The following INTS12 variants were observed in gnomAD, a reference collection of about 807,000 sequenced individuals.
The protein encoded by INTS12 is integrator complex subunit 12.
In INTS12, 13 loss-of-function variants were observed where a neutral mutation model predicts 41.6. The ratio of observed to expected loss-of-function variants is 0.31; its 90% CI spans 0.20 to 0.50. The LOEUF is 0.50. Among genes scored for constraint, INTS12 ranks in the 20% least tolerant of loss-of-function variants. The pLI, the probability that INTS12 is intolerant of heterozygous loss-of-function variation, is 0.98. For missense variants in INTS12, 432 were observed against 541.6 expected, an observed-to-expected ratio of 0.80 and a Z score of 2.01; for synonymous variants, 199 against 191.4, an observed-to-expected ratio of 1.04 and a Z score of -0.33.
intron 3 of INTS12, 119 bp from the exon 4 acceptor site, chr4:105,695,787 T>C: frequency 2.6e-6 from 2 of 764,848 alleles, no homozygotes; most frequent in Non-Finnish European, 4.3e-6. Flanking sequence ...ACCAATGTAA[T>C]ATTCCTTTCT....
At chr4:105,697,481 T>C (rs1260355800) in intron 3 of INTS12, among the ~76,000 whole-genome samples, 1 of 152,198 alleles carries the variant, frequency 6.6e-6, no homozygotes, top group African/African-American at 2.4e-5. Context: ...GGGCTTGATA[T>C]ATTATTATGC....
chr4:105,694,467 A>G lies in INTS12; in HGVS notation c.310-981T>C, dbSNP rs190880705. Among the ~76,000 whole-genome samples the G allele has an allele frequency of 3.1e-3, 473 of 152,200 alleles. 7 individuals are homozygous for G. The highest frequency in any genetic ancestry group is 1.3e-3 in the Non-Finnish European group (87 of 68,004). On this transcript the variant is annotated intron_variant, in intron 4 of 7. Transcript: ENST00000340139. ...CAGCCTCCTGAGGTGCTGGAACTAC[A>G]GGTGTGCGCCACCACACCTGGCTAA...
Position 105,686,874 on chromosome 4 carries a change from CT to C in INTS12, c.658-37del, listed in dbSNP as rs1211056876. On this transcript the variant is annotated intron_variant, in intron 6 of 7. Coordinates refer to ENST00000340139, the MANE Select transcript of INTS12 (RefSeq NM_020395.4). ...CAGTGGATTAAATCAGATACAAAATCTTAACTGAATATACAGAAAGATAATA... is the reference window on the plus strand; with the variant it reads ...CAGTGGATTAAATCAGATACAAAATCTAACTGAATATACAGAAAGATAATA... The C allele has an allele frequency of 2.5e-6, 4 of 1,585,652 alleles. No homozygotes were observed. In the African/African-American group the frequency reaches 5.4e-5, roughly 21 times the overall value.
intron 1 of INTS12, chr4:105,705,964 A>G (rs1354435337): frequency 1.3e-5 from 2 of 152,194 alleles, no homozygotes; most frequent in Non-Finnish European, 2.9e-5. Flanking sequence ...AAAACAGCAA[A>G]TAACTGTAAA....
Position 105,699,921 on chromosome 4 carries a change from C to G in INTS12, c.85G>C (p.Glu29Gln), listed in dbSNP as rs1486399776. The change falls in exon 3 of 8, where the codon GAA (glutamate) becomes CAA (glutamine). Residue 29 changes from glutamate to glutamine, a missense_variant. This residue lies in a region of INTS12 where 168 missense variants were observed against 198.9 expected (regional missense o/e 0.84). Coordinates refer to ENST00000340139, the MANE Select transcript of INTS12 (RefSeq NM_020395.4). ...FLHSKSKDSAEKLKALLDESL... is the reference protein window; with the variant it reads ...FLHSKSKDSAQKLKALLDESL... ...TCATCAAGCAGTGCTTTTAGCTTTTCAGCAGAATCTTTACTCTTTGAATGC... is the reference window on the plus strand; with the variant it reads ...TCATCAAGCAGTGCTTTTAGCTTTTGAGCAGAATCTTTACTCTTTGAATGC... The G allele has an allele frequency of 1.3e-6, 2 of 1,562,752 alleles. No individual in the cohort carries two copies. The highest frequency in any genetic ancestry group is 1.7e-6 in the Non-Finnish European group (2 of 1,143,266).
intron 2 of INTS12, 136 bp from the exon 3 acceptor site, chr4:105,700,150 T>TCACAAAAAAA: frequency 4.0e-6 from 2 of 506,304 alleles, no homozygotes; most frequent in African/African-American, 4.0e-5. Context: ...CAAAAAGTTA[T>TCACAAAAAAA]TACAAATAAA....
chr4:105,700,966 T>A (rs917035738), intron 2 of INTS12, among the ~76,000 whole-genome samples: 1 of 152,218 alleles, frequency 6.6e-6, no homozygotes, highest in African/African-American at 2.4e-5. Flanking sequence ...AATCCTTTGA[T>A]CAATATACTA....
rs776586918 is a variant in INTS12 at position 105,683,292 on chromosome 4, G to A, written c.830C>T (p.Ser277Phe). 1.2e-6 allele frequency: 2 copies of A among 1,611,646 alleles called. No homozygotes were observed. Among genetic ancestry groups the A allele is most frequent in the Non-Finnish European group, 1.7e-6 (2 of 1,178,960 alleles). The change falls in exon 8 of 8, where the codon TCT becomes TTT. Residue 277 changes from serine (S) to phenylalanine (F), a missense_variant. Ser to Phe is a radical substitution (Grantham distance 155). Coordinates refer to ENST00000340139, the MANE Select transcript of INTS12 (RefSeq NM_020395.4). ...TGACGAGGAAACGCTGGCACTAGAA[G>A]AATTTCCTGAAATAACTGTGGATGT... ...VKTSTVISGN[S>F]SSASVSSSVT...
intron 1 of INTS12, 38 bp from the exon 2 acceptor site, chr4:105,703,847 T>C (rs1179384039): frequency 1.3e-5 from 2 of 152,312 alleles, no homozygotes; most frequent in East Asian, 3.9e-4. Context: ...AGGAATTAAG[T>C]CGACTTCCTT....
intron 1 of INTS12, chr4:105,708,358 C>A: frequency 1.0e-6 from 1 of 985,474 alleles, no homozygotes; most frequent in East Asian, 1.1e-4. Flanking sequence ...GTCACTAAAA[C>A]CCTCCGACAA....
chr4:105,706,562 T>C (rs1266420529), intron 1 of INTS12: 1 of 152,228 alleles, frequency 6.6e-6, no homozygotes, highest in African/African-American at 2.4e-5. Flanking sequence ...GAATCCCATG[T>C]TTCCAAATGC....
rs1313333811 is a variant in INTS12, at chr4:105,699,978, C to T, written c.28G>A (p.Asp10Asn). The change falls in exon 3 of 8, where the codon GAT (aspartate) becomes AAT (asparagine). Residue 10 changes from aspartate to asparagine, a missense_variant. Physicochemically the swap from Asp to Asn is conservative, Grantham distance 23. Coordinates refer to ENST00000340139, the MANE Select transcript of INTS12 (RefSeq NM_020395.4). ...CCTAGTGCTTTCAAAAAAATGGGAT[C>T]AAGTTCCAAGTTCACAGTAGCAGCC... MAATVNLEL[D>N]PIFLKALGFL... 1 of 1,532,978 alleles carries T rather than the reference C, an allele frequency of 6.5e-7. No homozygotes were observed. Among genetic ancestry groups the T allele is most frequent in the Non-Finnish European group, 8.9e-7 (1 of 1,124,896 alleles). 95.0% of individuals were successfully genotyped at this position (1,532,978 alleles called of 1,614,324 possible).
intron 2 of INTS12, among the ~76,000 whole-genome samples, chr4:105,702,383 G>A (rs1179598962): frequency 1.3e-5 from 2 of 151,990 alleles, no homozygotes; most frequent in East Asian, 1.9e-4. Context: ...TGATCCACCC[G>A]CCTCGGCCTC....
In INTS12 at chr4:105,694,460, GA is replaced by G. The variant is rs573043396; in HGVS notation, c.310-975del. ...CACGTCTCAGCCTCCTGAGGTGCTG[GA>G]ACTACAGGTGTGCGCCACCACACCT... On this transcript the variant is annotated intron_variant, in intron 4 of 7. Coordinates refer to ENST00000340139, the MANE Select transcript of INTS12 (RefSeq NM_020395.4). Among the ~76,000 whole-genome samples, 410 of 152,224 alleles carry G rather than the reference GA, an allele frequency of 2.7e-3. 4 individuals are homozygous for G. Among genetic ancestry groups the G allele is most frequent in the African/African-American group, 9.2e-3 (382 of 41,532 alleles).
chr4:105,689,575 C>T (rs1366470790), intron 6 of INTS12, among the ~76,000 whole-genome samples: 1 of 152,104 alleles, frequency 6.6e-6, no homozygotes, highest in African/African-American at 2.4e-5. Context: ...GACTTCTGGA[C>T]ACACAGACCA....
intron 1 of INTS12, among the ~76,000 whole-genome samples, chr4:105,706,886 G>A (rs189964757): frequency 3.3e-5 from 5 of 152,038 alleles, no homozygotes; most frequent in East Asian, 1.9e-4. Flanking sequence ...CAATAACCTC[G>A]TTATTTTCCT....
In INTS12 at chr4:105,690,486, G is replaced by A. The variant is rs149639641; in HGVS notation, c.657+1490C>T. ...ATAAGAGGTAGAATTAGCAAATCTG[G>A]TAAACAATGGGATATGGAATTAAAA... On this transcript the variant is annotated intron_variant, in intron 6 of 7. Transcript: ENST00000340139. 5.1e-3 allele frequency among the ~76,000 whole-genome samples: 776 copies of A among 152,066 alleles called. 6 individuals are homozygous for A. The highest frequency in any genetic ancestry group is 0.018 in the African/African-American group (745 of 41,492).
chr4:105,692,483 CAAAAAAAAAA>C (rs571586438), intron 5 of INTS12, among the ~76,000 whole-genome samples: 1 of 49,214 alleles, frequency 2.0e-5, no homozygotes, highest in Admixed American at 2.1e-4. Context: ...GACTCTGTCT[CAAAAAAAAAA>C]AAAAAAAAAA....
chr4:105,707,955 G>A (rs1203003714), intron 1 of INTS12: 1 of 985,178 alleles, frequency 1.0e-6, no homozygotes, highest in Non-Finnish European at 1.2e-6. Flanking sequence ...TTGATCATAT[G>A]CACGTGCCCC....
Sources: allele counts gnomAD v4.1 joint callset (sites outside exome capture counted in the v4.1 genomes callset), GRCh38; gene constraint gnomAD v4.1.1; regional missense constraint gnomAD v4.1.1; transcripts MANE v1.5; gene names NCBI Gene and HGNC (gene_info 2026-07-23, HGNC 2026-07-21).